Variants in STX8 observed in about 807,000 individuals in gnomAD.
The protein encoded by STX8 is syntaxin-8.
In STX8, 23 loss-of-function variants were observed where a neutral mutation model predicts 37.5. The ratio of observed to expected loss-of-function variants is 0.61; its 90% CI spans 0.44 to 0.87. The LOEUF is 0.87. STX8 is among the 40% of genes least tolerant of loss of function. The probability of loss-of-function intolerance (pLI) is 0.00; values close to 1 mark genes in which losing one functional copy is unlikely to be tolerated. For missense variants in STX8, 313 were observed against 284.7 expected (o/e 1.10, Z -0.71); for synonymous variants, 115 against 99.1 (o/e 1.16, Z -0.95).
intron 6 of STX8, among the ~76,000 whole-genome samples, chr17:9,485,135 T>TCAA (rs934662182): frequency 1.4e-4 from 2 of 13,930 alleles, no homozygotes; most frequent in African/African-American, 1.6e-4. Flanking sequence ...AGAAAAAAAA[T>TCAA]TATAATAAGA....
chr17:9,380,390 C>G (rs1911755216), intron 6 of STX8, among the ~76,000 whole-genome samples: 1 of 151,436 alleles, frequency 6.6e-6, no homozygotes, highest in Admixed American at 6.6e-5. Flanking sequence ...GTAGCTGAGA[C>G]TGTAAGCATG....
intron 7 of STX8, among the ~76,000 whole-genome samples, chr17:9,327,498 G>A (rs1226559737): frequency 6.6e-6 from 1 of 152,118 alleles, no homozygotes; most frequent in Admixed American, 6.6e-5. Flanking sequence ...AAATGTGACT[G>A]GACAACAAGG....
At position 9,560,885 on chromosome 17, in the gene STX8, T is replaced by C. The variant is rs180715125; in HGVS notation, c.118-3357A>G. 2.9e-3 allele frequency among the ~76,000 whole-genome samples: 441 copies of C among 152,216 alleles called. 1 individual carries two copies. Among genetic ancestry groups the C allele is most frequent in the African/African-American group, 9.2e-3 (383 of 41,540 alleles). ...AGTGATTACAAAAAACTACAATAGC[T>C]GATGCTGGCAATCACCAACAGCTTC... is the stretch of plus-strand genomic sequence containing the variant. On this transcript the variant is annotated intron_variant, in intron 2 of 7. Transcript: ENST00000306357.
chr17:9,342,260 G>A (rs1318913650), intron 7 of STX8, among the ~76,000 whole-genome samples: 2 of 152,116 alleles, frequency 1.3e-5, no homozygotes, highest in Non-Finnish European at 2.9e-5. Flanking sequence ...CTGCTGCTGT[G>A]CGGCCCAGTT....
At chr17:9,453,526 TC>T (rs1240392339) in intron 6 of STX8, among the ~76,000 whole-genome samples, 9 of 140,616 alleles carry the variant, frequency 6.4e-5, no homozygotes, top group African/African-American at 2.4e-4. Context: ...GGGGTCTCAC[TC>T]TGTTGCCCAG....
chr17:9,416,600 C>T (rs1285017351), intron 6 of STX8, among the ~76,000 whole-genome samples: 1 of 151,804 alleles, frequency 6.6e-6, no homozygotes, highest in Non-Finnish European at 1.5e-5. Flanking sequence ...AACTCCTGAC[C>T]TCGTGATCTG....
chr17:9,405,147 T>C (rs1239437620), intron 6 of STX8, among the ~76,000 whole-genome samples: 1 of 152,230 alleles, frequency 6.6e-6, no homozygotes, highest in African/African-American at 2.4e-5. Flanking sequence ...AACAATAGCA[T>C]CTTCAATGGT....
intron 4 of STX8, among the ~76,000 whole-genome samples, chr17:9,510,311 C>G (rs1179944738): frequency 6.6e-6 from 1 of 152,074 alleles, no homozygotes; most frequent in Admixed American, 6.6e-5. Flanking sequence ...AACATTTCAC[C>G]CAACAGCTAC....
At chr17:9,524,024 A>T (rs977926376) in intron 4 of STX8, among the ~76,000 whole-genome samples, 1 of 152,224 alleles carries the variant, frequency 6.6e-6, no homozygotes, top group Admixed American at 6.5e-5. Context: ...AAAGACAACA[A>T]ATTTTGAGAT....
At chr17:9,274,677 A>AT (rs1907597668) in intron 7 of STX8, among the ~76,000 whole-genome samples, 2 of 111,668 alleles carry the variant, frequency 1.8e-5, no homozygotes, top group African/African-American at 3.1e-5. Context: ...CTCTGTCTCA[A>AT]AAATAATAAT....
At chr17:9,526,804 G>A (rs60469391) in intron 4 of STX8, among the ~76,000 whole-genome samples, 1,611 of 151,178 alleles carry the variant, frequency 0.011, 27 homozygotes, top group African/African-American at 0.037. Flanking sequence ...TGGAGGTTGC[G>A]GTGAGCTGAC....
intron 6 of STX8, among the ~76,000 whole-genome samples, chr17:9,430,597 A>G (rs1597667547): frequency 6.6e-6 from 1 of 151,642 alleles, no homozygotes; most frequent in East Asian, 1.9e-4. Flanking sequence ...TACATACTAC[A>G]ACTTGTTTAC....
intron 4 of STX8, among the ~76,000 whole-genome samples, chr17:9,510,627 A>G (rs1431065097): frequency 6.6e-6 from 1 of 152,150 alleles, no homozygotes; most frequent in African/African-American, 2.4e-5. Flanking sequence ...AAGTAGTACT[A>G]TGAGGCAAGT....
intron 6 of STX8, among the ~76,000 whole-genome samples, chr17:9,488,867 G>A (rs1288131259): frequency 6.7e-6 from 1 of 148,676 alleles, no homozygotes; most frequent in Admixed American, 6.7e-5. Context: ...CTCTCGCTCG[G>A]TCACGTGTGT....
At position 9,507,935 on chromosome 17, in the gene STX8, T is replaced by C. The variant is rs1057460391; in HGVS notation, c.324-2773A>G. ...CCATTCATACAAATATTTCTTTCCCTGCAAAACCTACCACATAAAATTGGA... is the reference window on the plus strand; with the variant it reads ...CCATTCATACAAATATTTCTTTCCCCGCAAAACCTACCACATAAAATTGGA... On this transcript the variant is annotated intron_variant, in intron 4 of 7. Coordinates refer to ENST00000306357, the MANE Select transcript of STX8 (RefSeq NM_004853.3). The surrounding 1 kb of genome is among the most constrained non-coding windows in gnomAD (Gnocchi z 4.0). Among the ~76,000 whole-genome samples, 6 of 152,146 alleles carry C rather than the reference T, an allele frequency of 3.9e-5. No homozygotes were observed. Among genetic ancestry groups the C allele is most frequent in the Non-Finnish European group, 8.8e-5 (6 of 68,026 alleles).
intron 7 of STX8, among the ~76,000 whole-genome samples, chr17:9,293,095 A>G (rs1189664307): frequency 6.6e-6 from 1 of 152,268 alleles, no homozygotes; most frequent in African/African-American, 2.4e-5. Flanking sequence ...CCACTGGGAC[A>G]CAGCAGCCAG....
chr17:9,464,761 C>T (rs1319426824), intron 6 of STX8: 2 of 143,638 alleles, frequency 1.4e-5, no homozygotes, highest in African/African-American at 2.6e-5. Context: ...CTCACTCTAT[C>T]GTGGAGGCTG....
At chr17:9,482,559 G>GTTTGAGAGGCA (rs1906390657) in intron 6 of STX8, among the ~76,000 whole-genome samples, 1 of 152,140 alleles carries the variant, frequency 6.6e-6, no homozygotes, top group African/African-American at 2.4e-5. Context: ...TAAATAAACA[G>GTTTGAGAGGCA]TTTGAGAGGC....
intron 7 of STX8, among the ~76,000 whole-genome samples, chr17:9,324,120 T>TCACACACACACA (rs1469116831): frequency 2.0e-4 from 27 of 133,748 alleles, no homozygotes; most frequent in African/African-American, 7.5e-4. Flanking sequence ...TCTCTCTCTC[T>TCACACACACACA]CTCTCTCACA....
Sources: gnomAD v4.1 joint callset for allele counts (sites outside exome capture counted in the v4.1 genomes callset) on GRCh38, gnomAD v4.1.1 for gene constraint, Gnocchi (gnomAD v3.1) non-coding constraint, MANE v1.5 for transcripts, NCBI Gene and HGNC (gene_info 2026-07-23, HGNC 2026-07-21) for gene names.